Variants in TMEM132C observed in about 807,000 individuals in gnomAD.
The protein encoded by TMEM132C is protein phosphatase 1, regulatory subunit 152.
A neutral mutation model predicts 61.4 loss-of-function variants in TMEM132C; 29 were observed. The ratio of observed to expected loss-of-function variants is 0.47; its 90% confidence interval spans 0.35 to 0.64. TMEM132C has a LOEUF of 0.64. Among genes scored for constraint, TMEM132C ranks in the 30% least tolerant of loss-of-function variants. TMEM132C has a pLI of 0.00. For missense variants in TMEM132C, 1,408 were observed against 1,476.9 expected (o/e 0.95, Z 0.76); for synonymous variants, 656 against 633.1 (o/e 1.04, Z -0.54).
intron 3 of TMEM132C, among the ~76,000 whole-genome samples, chr12:128,557,100 C>T (rs1874357667): frequency 1.3e-5 from 2 of 152,092 alleles, no homozygotes; most frequent in African/African-American, 2.4e-5. Flanking sequence ...GTTCTAAATG[C>T]CCCTTCTTCT....
At chr12:128,637,805 C>T (rs1451832406) in intron 4 of TMEM132C, among the ~76,000 whole-genome samples, 2 of 152,220 alleles carry the variant, frequency 1.3e-5, no homozygotes, top group African/African-American at 4.8e-5. Context: ...ACAGTTGGCA[C>T]AGCAGAAGCT....
intron 3 of TMEM132C, among the ~76,000 whole-genome samples, chr12:128,558,989 T>C (rs777351065): frequency 1.3e-5 from 2 of 152,216 alleles, no homozygotes; most frequent in African/African-American, 2.4e-5. Flanking sequence ...TACAGACTTA[T>C]ATACAAATAT....
intron 2 of TMEM132C, among the ~76,000 whole-genome samples, chr12:128,492,648 T>C (rs1307814658): frequency 1.3e-5 from 2 of 152,226 alleles, no homozygotes; most frequent in Non-Finnish European, 2.9e-5. Flanking sequence ...ATAAGTGTCT[T>C]CTTTTGAGAA....
intron 3 of TMEM132C, among the ~76,000 whole-genome samples, chr12:128,545,417 A>G (rs920351284): frequency 2.0e-5 from 3 of 152,228 alleles, no homozygotes; most frequent in African/African-American, 7.2e-5. Context: ...CAGTGCTGCA[A>G]TGAACACATG....
At chr12:128,349,100 T>C (rs1873258790) in intron 1 of TMEM132C, among the ~76,000 whole-genome samples, 1 of 152,138 alleles carries the variant, frequency 6.6e-6, no homozygotes, top group African/African-American at 2.4e-5. Flanking sequence ...GCCTCCCAGG[T>C]TCAAGTGATT....
chr12:128,693,722 C>G (rs1954736240), intron 5 of TMEM132C, 107 bp from the exon 6 acceptor site: 3 of 1,303,766 alleles, frequency 2.3e-6, no homozygotes, highest in Non-Finnish European at 2.1e-6. Flanking sequence ...TAGGAGAAAC[C>G]AGAAATAAGC....
At chr12:128,530,639 T>C (rs1337753759) in intron 2 of TMEM132C, among the ~76,000 whole-genome samples, 1 of 152,162 alleles carries the variant, frequency 6.6e-6, no homozygotes, top group African/African-American at 2.4e-5. Context: ...GAGATGAGGT[T>C]TCACCATGCT....
chr12:128,526,004 TG>T (rs1873073170), intron 2 of TMEM132C, among the ~76,000 whole-genome samples: 1 of 152,218 alleles, frequency 6.6e-6, no homozygotes, highest in South Asian at 2.1e-4. Context: ...TGCCACAGAA[TG>T]TGCTCTCTGC....
chr12:128,403,263 A>G (rs918755610), intron 1 of TMEM132C, among the ~76,000 whole-genome samples: 1 of 152,206 alleles, frequency 6.6e-6, no homozygotes, highest in Non-Finnish European at 1.5e-5. Flanking sequence ...TTGTGTTTCA[A>G]GTAAGCTGCA....
Position 128,338,776 on chromosome 12 carries a change from A to T in TMEM132C, c.85+71289A>T, listed in dbSNP as rs1361889487. On this transcript the variant is annotated intron_variant, in intron 1 of 8. Transcript: ENST00000435159. ...TGCAGAAATATATATATATATATAT[A>T]TTTTGCACAAAGATGAAATCCGTCC... is the stretch of plus-strand genomic sequence containing the variant. 8.7e-5 allele frequency among the ~76,000 whole-genome samples: 12 copies of T among 138,402 alleles called. 1 individual carries two copies. Among genetic ancestry groups the T allele is most frequent in the Admixed American group, 6.3e-4 (9 of 14,354 alleles). The allele number at this position is 138,402 out of a possible 152,430, so 90.8% of individuals were successfully genotyped here.
In TMEM132C at chr12:128,332,856, G is replaced by A. The variant is rs550720603; in HGVS notation, c.85+65369G>A. Among the ~76,000 whole-genome samples, 15 of 152,362 alleles carry A rather than the reference G, an allele frequency of 9.8e-5. No homozygotes were observed. The South Asian group carries it at 3.1e-3, about 32-fold the overall frequency. ...AAGGAGTTGCAGTGGCTCTTGCCAAGTGCCCTGGGGTCTTGGACATCTGCC... is the reference window on the plus strand; with the variant it reads ...AAGGAGTTGCAGTGGCTCTTGCCAAATGCCCTGGGGTCTTGGACATCTGCC... On this transcript the variant is annotated intron_variant, in intron 1 of 8. Coordinates refer to ENST00000435159, the MANE Select transcript of TMEM132C (RefSeq NM_001136103.3).
intron 1 of TMEM132C, among the ~76,000 whole-genome samples, chr12:128,329,832 A>G (rs1175654675): frequency 6.6e-6 from 1 of 152,174 alleles, no homozygotes; most frequent in Non-Finnish European, 1.5e-5. Context: ...CCTCAAATTT[A>G]TAAAGCCAAA....
At chr12:128,530,010 C>T (rs911887697) in intron 2 of TMEM132C, among the ~76,000 whole-genome samples, 4 of 150,866 alleles carry the variant, frequency 2.7e-5, no homozygotes, top group African/African-American at 7.3e-5. Context: ...TTTGGCTAAA[C>T]GTCATGGGAG....
At chr12:128,268,113 C>T (rs1304968383) in intron 1 of TMEM132C, among the ~76,000 whole-genome samples, 1 of 152,160 alleles carries the variant, frequency 6.6e-6, no homozygotes. Flanking sequence ...GAGTCCTTTG[C>T]GGTGGGGGAG....
intron 2 of TMEM132C, among the ~76,000 whole-genome samples, chr12:128,502,583 T>C (rs945201335): frequency 1.3e-5 from 2 of 152,218 alleles, no homozygotes; most frequent in Non-Finnish European, 2.9e-5. Context: ...CCCTGGGCCA[T>C]CTACACCAGA....
intron 3 of TMEM132C, among the ~76,000 whole-genome samples, chr12:128,607,258 G>A (rs2135577923): frequency 6.6e-6 from 1 of 152,332 alleles, no homozygotes; most frequent in African/African-American, 2.4e-5. Context: ...GGGGCTGGAG[G>A]AGAATGAGCA....
chr12:128,564,892 GC>G (rs1874644989), intron 3 of TMEM132C, among the ~76,000 whole-genome samples: 1 of 152,164 alleles, frequency 6.6e-6, no homozygotes, highest in African/African-American at 2.4e-5. Context: ...TGGTAGTCAT[GC>G]CTTTAAACAA....
At chr12:128,529,721 G>A (rs1448715631) in intron 2 of TMEM132C, among the ~76,000 whole-genome samples, 2 of 152,164 alleles carry the variant, frequency 1.3e-5, no homozygotes, top group Non-Finnish European at 2.9e-5. Context: ...GGGAGGTGGA[G>A]GTTGAAGTGA....
chr12:128,494,759 C>A (rs560821816), intron 2 of TMEM132C, among the ~76,000 whole-genome samples: 1 of 151,816 alleles, frequency 6.6e-6, no homozygotes, highest in Non-Finnish European at 1.5e-5. Context: ...GTCTTGCTAG[C>A]GGTCTATCAA....
Sources: gnomAD v4.1 joint callset for allele counts (sites outside exome capture counted in the v4.1 genomes callset) on GRCh38, gnomAD v4.1.1 for gene constraint, MANE v1.5 for transcripts, NCBI Gene and HGNC (gene_info 2026-07-23, HGNC 2026-07-21) for gene names.